NEU3: variants seen among roughly 807,000 people sequenced by gnomAD.
NEU3 encodes the protein sialidase-3.
NEU3 carries 10 observed loss-of-function variants against 11.4 expected under a neutral mutation model. The observed-to-expected ratio is 0.88, with a 90% CI of 0.54 to 1.49. The LOEUF (loss-of-function observed/expected upper bound fraction) is 1.49, where lower values mean the gene tolerates loss of function less well. Among genes scored for constraint, NEU3 ranks in the 40% most tolerant of loss-of-function variants. The probability of loss-of-function intolerance (pLI) is 0.00; values close to 1 mark genes in which losing one functional copy is unlikely to be tolerated. For synonymous variants in NEU3, 212 were observed against 228.2 expected (o/e 0.93, Z 0.64); for missense variants, 529 against 581.8 (o/e 0.91, Z 0.93).
chr11:74,989,831 TCTCC>T (rs1313860511), intron 1 of NEU3: 2 of 626,276 alleles, frequency 3.2e-6, no homozygotes, highest in African/African-American at 3.6e-5. Context: ...GGCTATACTC[TCTCC>T]CAGTAAGAAA....
chr11:74,981,973 C>T, the NEU3 span, among the ~76,000 whole-genome samples: 3 of 152,150 alleles, frequency 2.0e-5, no homozygotes, highest in African/African-American at 4.8e-5. Flanking sequence ...CCAGATTGTA[C>T]TTAGGTTGTT....
intron 1 of NEU3, chr11:74,989,918 C>T (rs1948711703): frequency 1.4e-6 from 1 of 696,956 alleles, no homozygotes. Context: ...CTTAAATGAA[C>T]CCCAGAGCAG....
chr11:75,013,205 T>A (rs767763390), downstream of NEU3, among the ~76,000 whole-genome samples: 18 of 152,160 alleles, frequency 1.2e-4, no homozygotes, highest in Admixed American at 3.3e-4. Flanking sequence ...TGGGAACCAG[T>A]TGATTCAGCT....
intron 2 of NEU3, among the ~76,000 whole-genome samples, chr11:75,001,285 C>CTTTTTTTTTT (rs775188864): frequency 7.7e-6 from 1 of 130,092 alleles, no homozygotes; most frequent in Non-Finnish European, 1.7e-5. Context: ...TTTTTTTTTT[C>CTTTTTTTTTT]TTTTTTTTTT....
At chr11:74,985,250 G>T (rs550609747), upstream of NEU3, among the ~76,000 whole-genome samples, 1 of 152,066 alleles carries the variant, frequency 6.6e-6, no homozygotes, top group African/African-American at 2.4e-5. Flanking sequence ...ATAATAAGAT[G>T]AATATTTGTG....
downstream of NEU3, among the ~76,000 whole-genome samples, chr11:75,012,369 T>A (rs1162142322): frequency 6.6e-6 from 1 of 152,134 alleles, no homozygotes; most frequent in Non-Finnish European, 1.5e-5. Context: ...TGGCAATGAG[T>A]TTAAATTGGC....
intron 1 of NEU3, among the ~76,000 whole-genome samples, chr11:74,994,247 C>G (rs754802518): frequency 6.6e-6 from 1 of 152,200 alleles, no homozygotes; most frequent in Non-Finnish European, 1.5e-5. Flanking sequence ...CAAAACCGCT[C>G]TGCTCCAAGA....
chr11:75,016,835 A>C (rs1948983155), intron 3 of NEU3, among the ~76,000 whole-genome samples: 1 of 152,206 alleles, frequency 6.6e-6, no homozygotes, highest in African/African-American at 2.4e-5. Context: ...GAGCTGAGGA[A>C]GATCTACTTT....
chr11:74,999,006 A>G (rs143249427), intron 2 of NEU3, among the ~76,000 whole-genome samples: 31 of 152,180 alleles, frequency 2.0e-4, no homozygotes, highest in African/African-American at 6.7e-4. Context: ...TTTTTTAGAG[A>G]CAACTTCTAT....
Position 75,006,084 on chromosome 11 carries a change from T to C in NEU3, c.978T>C (p.His326=). ...GTTTCCGGCCCCTGGAGATCCCACA[T>C]AGGTGCCAGGACTCTAGCAGCAAAG... ...VVSFRPLEIP[H]RCQDSSSKDA... The change falls in exon 3 of 3, where the codon CAT becomes CAC. Residue 326 remains histidine, a synonymous_variant. Coordinates refer to ENST00000294064, the MANE Select transcript of NEU3 (RefSeq NM_006656.6). 1.9e-6 allele frequency: 3 copies of C among 1,613,926 alleles called. 1 individual carries two copies. Among genetic ancestry groups the C allele is most frequent in the Non-Finnish European group, 2.5e-6 (3 of 1,179,872 alleles).
upstream of NEU3, among the ~76,000 whole-genome samples, chr11:74,983,797 C>T (rs1436981564): frequency 1.3e-5 from 2 of 152,170 alleles, no homozygotes; most frequent in African/African-American, 2.4e-5. Context: ...GGAGTCAGTG[C>T]AATCACTAAT....
intron 3 of NEU3, among the ~76,000 whole-genome samples, chr11:75,016,089 C>T (rs1948979898): frequency 6.6e-6 from 1 of 152,164 alleles, no homozygotes; most frequent in Non-Finnish European, 1.5e-5. Context: ...GAACAAGGGT[C>T]AGAGCACAGA....
At position 75,009,064 on chromosome 11, in the gene NEU3, T is replaced by C. The variant is rs1285487467; in HGVS notation, c.*2572T>C. 6.6e-6 allele frequency: 1 copy of C among 152,108 alleles called. No homozygotes were observed. The highest frequency in any genetic ancestry group is 1.5e-5 in the Non-Finnish European group (1 of 68,054). The allele number at this position is 152,108 out of a possible 1,614,324, so 9.4% of individuals were successfully genotyped here. Reference sequence around the variant, plus strand: ...TAAATGGGGCAGGCCTGTGTTCTTATCTCAGGAATAGTAAGAAAAGGGGGT... The same window carrying C: ...TAAATGGGGCAGGCCTGTGTTCTTACCTCAGGAATAGTAAGAAAAGGGGGT... On this transcript the variant is annotated 3_prime_UTR_variant, in exon 3 of 3. Transcript: ENST00000294064.
chr11:74,981,996 G>A, the NEU3 span, among the ~76,000 whole-genome samples: 3 of 152,062 alleles, frequency 2.0e-5, no homozygotes, highest in East Asian at 1.9e-4. Flanking sequence ...TCAGTCTCTA[G>A]GCAGGAGGCA....
At chr11:75,013,010 T>C (rs1001686300), downstream of NEU3, among the ~76,000 whole-genome samples, 31 of 151,992 alleles carry the variant, frequency 2.0e-4, no homozygotes, top group African/African-American at 7.3e-4. Context: ...GCATGAAGAT[T>C]GTCTGACAAA....
chr11:74,988,411 G>T (rs1178037939), upstream of NEU3: 1 of 152,540 alleles, frequency 6.6e-6, no homozygotes, highest in Non-Finnish European at 1.5e-5. Context: ...CTGGGGAGAG[G>T]GGGGCTTAAA....
chr11:75,012,190 A>C (rs1254159137), downstream of NEU3, among the ~76,000 whole-genome samples: 1 of 152,142 alleles, frequency 6.6e-6, no homozygotes, highest in Non-Finnish European at 1.5e-5. Flanking sequence ...TCGTAGCCTA[A>C]ATACTTTGAG....
At position 74,994,648 on chromosome 11, in the gene NEU3, T is replaced by C; in HGVS notation, c.234T>C (p.Arg78=). 6.2e-7 allele frequency: 1 copy of C among 1,614,000 alleles called. No homozygotes were observed. Among genetic ancestry groups the C allele is most frequent in the South Asian group, 1.1e-5 (1 of 91,078 alleles). Residue 78 remains arginine (R), a synonymous_variant, in exon 2 of 3, where the codon CGT becomes CGC. Transcript: ENST00000294064. ...CCTTCCTGGCCTTTGCAGAGAAGCGTTCTACGAGGAGAGATGAGGATGCTC... is the reference window on the plus strand; with the variant it reads ...CCTTCCTGGCCTTTGCAGAGAAGCGCTCTACGAGGAGAGATGAGGATGCTC... ...THTFLAFAEK[R]STRRDEDALH...
chr11:74,988,718 G>C, upstream of NEU3: 3 of 356,638 alleles, frequency 8.4e-6, no homozygotes, highest in South Asian at 5.7e-5. Flanking sequence ...CGGCCGTTGG[G>C]AACTGAGGTG....
Sources: allele counts gnomAD v4.1 joint callset (sites outside exome capture counted in the v4.1 genomes callset), GRCh38; gene constraint gnomAD v4.1.1; transcripts MANE v1.5; gene names NCBI Gene and HGNC (gene_info 2026-07-23, HGNC 2026-07-21).